Variants in AFG1L observed in about 807,000 individuals in gnomAD.
AFG1L encodes the protein AFG1 like ATPase, also known as AFG1-like ATPase.
Under a neutral mutation model 62.2 loss-of-function variants are expected in AFG1L, and 53 were observed. The ratio of observed to expected loss-of-function variants is 0.85; its 90% confidence interval spans 0.68 to 1.07. The LOEUF (loss-of-function observed/expected upper bound fraction) is 1.07. Among genes scored for constraint, AFG1L ranks in the 50% least tolerant of loss-of-function variants. The pLI, the probability that AFG1L is intolerant of heterozygous loss-of-function variation, is 0.00. For synonymous variants in AFG1L, 228 were observed against 210.3 expected, an observed-to-expected ratio of 1.08 and a Z score of -0.73; for missense variants, 555 against 590.5, an observed-to-expected ratio of 0.94 and a Z score of 0.62.
At chr6:108,328,154 G>GAT (rs565176184) in intron 2 of AFG1L, among the ~76,000 whole-genome samples, 126 of 152,020 alleles carry the variant, frequency 8.3e-4, no homozygotes, top group Admixed American at 1.4e-3. Flanking sequence ...AGTTATATGT[G>GAT]ATATATATAT....
chr6:108,303,968 C>T (rs1431810100), intron 1 of AFG1L, among the ~76,000 whole-genome samples: 1 of 152,082 alleles, frequency 6.6e-6, no homozygotes, highest in Non-Finnish European at 1.5e-5. Context: ...GATCTTTAGG[C>T]ATTATTTCAC....
chr6:108,440,019 T>A (rs907827344), intron 7 of AFG1L, among the ~76,000 whole-genome samples: 5 of 152,210 alleles, frequency 3.3e-5, no homozygotes, highest in Admixed American at 2.0e-4. Context: ...ATATGATAGA[T>A]GTCTACCTCT....
chr6:108,297,922 T>G (rs901044108), intron 1 of AFG1L, among the ~76,000 whole-genome samples: 5 of 149,272 alleles, frequency 3.3e-5, no homozygotes, highest in African/African-American at 4.9e-5. Context: ...GAATAGCCCA[T>G]AGTCTTGAGA....
At chr6:108,394,425 A>G (rs967458954) in intron 6 of AFG1L, among the ~76,000 whole-genome samples, 5 of 151,568 alleles carry the variant, frequency 3.3e-5, no homozygotes, top group African/African-American at 1.2e-4. Flanking sequence ...ATGGAATTAC[A>G]GGCATGAGCC....
intron 7 of AFG1L, among the ~76,000 whole-genome samples, chr6:108,443,810 G>T (rs1771644500): frequency 6.6e-6 from 1 of 151,930 alleles, no homozygotes; most frequent in Non-Finnish European, 1.5e-5. Flanking sequence ...AAGAGGAGAA[G>T]GTTGCAGTGA....
chr6:108,518,730 A>G (rs889513190), intron 11 of AFG1L, among the ~76,000 whole-genome samples: 1 of 152,248 alleles, frequency 6.6e-6, no homozygotes, highest in Non-Finnish European at 1.5e-5. Flanking sequence ...ATGATCACAT[A>G]TGAACACTCA....
At chr6:108,319,441 A>T (rs567158) in intron 1 of AFG1L, among the ~76,000 whole-genome samples, 97,101 of 150,714 alleles carry the variant, frequency 0.64, 31,526 homozygotes, top group East Asian at 0.79. Flanking sequence ...CTAATTAAAA[A>T]TTTTTTTTTT....
At chr6:108,415,328 G>A (rs921571499) in intron 7 of AFG1L, among the ~76,000 whole-genome samples, 8 of 151,740 alleles carry the variant, frequency 5.3e-5, no homozygotes, top group South Asian at 2.1e-4. Flanking sequence ...AATCAATATC[G>A]TGAAAATGGC....
At chr6:108,316,930 C>T (rs541556220) in intron 1 of AFG1L, among the ~76,000 whole-genome samples, 1 of 152,174 alleles carries the variant, frequency 6.6e-6, no homozygotes, top group Admixed American at 6.5e-5. Flanking sequence ...GTGATGAGAC[C>T]ATTTAAAATC....
chr6:108,308,164 T>G (rs1446939378), intron 1 of AFG1L, among the ~76,000 whole-genome samples: 2 of 152,212 alleles, frequency 1.3e-5, no homozygotes, highest in Non-Finnish European at 1.5e-5. Context: ...AAAACATTTT[T>G]TTTGAGACTA....
At chr6:108,490,859 A>G (rs2114850964) in intron 10 of AFG1L, among the ~76,000 whole-genome samples, 1 of 152,336 alleles carries the variant, frequency 6.6e-6, no homozygotes, top group East Asian at 1.9e-4. Flanking sequence ...TTCTCTAAGA[A>G]TATCTCTCTC....
At chr6:108,301,217 G>T (rs1776986868) in intron 1 of AFG1L, among the ~76,000 whole-genome samples, 1 of 152,110 alleles carries the variant, frequency 6.6e-6, no homozygotes, top group South Asian at 2.1e-4. Flanking sequence ...TGTTTTATCA[G>T]CAAGGTCTTT....
chr6:108,402,467 TAAAAAAAAAAAA>T (rs55775052), intron 7 of AFG1L, among the ~76,000 whole-genome samples: 2 of 91,182 alleles, frequency 2.2e-5, no homozygotes, highest in South Asian at 6.9e-4. Context: ...CCGTCTCGAA[TAAAAAAAAAAAA>T]AAAAAAAAAA....
intron 2 of AFG1L, among the ~76,000 whole-genome samples, chr6:108,327,012 C>T (rs1262131483): frequency 6.6e-6 from 1 of 151,922 alleles, no homozygotes; most frequent in Admixed American, 6.6e-5. Flanking sequence ...TTTGGGAGGC[C>T]AGGGTGGAAG....
intron 7 of AFG1L, among the ~76,000 whole-genome samples, chr6:108,415,979 C>T (rs1325060663): frequency 3.9e-5 from 6 of 152,196 alleles, no homozygotes; most frequent in South Asian, 2.1e-4. Flanking sequence ...TCAGAGTGAA[C>T]AGGCAACCTA....
At chr6:108,369,031 G>A (rs1414436189) in intron 6 of AFG1L, among the ~76,000 whole-genome samples, 1 of 152,092 alleles carries the variant, frequency 6.6e-6, no homozygotes, top group African/African-American at 2.4e-5. Context: ...TCACAGACCA[G>A]GTTTTTTAGC....
intron 2 of AFG1L, among the ~76,000 whole-genome samples, chr6:108,335,390 C>T (rs1778438336): frequency 6.6e-6 from 1 of 152,162 alleles, no homozygotes. Flanking sequence ...GTAACAAAGC[C>T]ATCACTAAAG....
At chr6:108,441,728 T>C (rs1470787884) in intron 7 of AFG1L, among the ~76,000 whole-genome samples, 1 of 140,652 alleles carries the variant, frequency 7.1e-6, no homozygotes, top group Admixed American at 6.8e-5. Context: ...TATATATATA[T>C]ATAAACTGAG....
chr6:108,320,482 C>G (rs1777776520), intron 1 of AFG1L, among the ~76,000 whole-genome samples: 1 of 152,126 alleles, frequency 6.6e-6, no homozygotes, highest in South Asian at 2.1e-4. Context: ...CTCTGTTCCC[C>G]CTTATCTGAG....
Sources: gnomAD v4.1 joint callset for allele counts (sites outside exome capture counted in the v4.1 genomes callset) on GRCh38, gnomAD v4.1.1 for gene constraint, MANE v1.5 for transcripts, NCBI Gene and HGNC (gene_info 2026-07-23, HGNC 2026-07-21) for gene names.